The following PATJ variants were observed in gnomAD, a reference collection of about 807,000 sequenced individuals.
The protein encoded by PATJ is PATJ crumbs cell polarity complex component.
PATJ carries 190 observed loss-of-function variants against 224.9 expected under a neutral mutation model. That is an observed-to-expected ratio of 0.84 (90% CI 0.75 to 0.95). PATJ has a LOEUF of 0.95. Among genes scored for constraint, PATJ ranks in the 40% least tolerant of loss-of-function variants. PATJ has a pLI of 0.00. For synonymous variants in PATJ, 769 were observed against 820.3 expected (o/e 0.94, Z 1.07); for missense variants, 2,121 against 2,270.3 (o/e 0.93, Z 1.34).
At chr1:61,950,672 A>G (rs1261979836) in intron 27 of PATJ, among the ~76,000 whole-genome samples, 4 of 152,190 alleles carry the variant, frequency 2.6e-5, no homozygotes, top group African/African-American at 9.6e-5. Flanking sequence ...CAAAATTTAT[A>G]TGTTCATTTC....
intron 33 of PATJ, among the ~76,000 whole-genome samples, chr1:62,087,084 G>A (rs770236563): frequency 1.3e-5 from 2 of 152,170 alleles, no homozygotes; most frequent in African/African-American, 2.4e-5. Flanking sequence ...CCCGCACTCG[G>A]TGAGTCCCAA....
At chr1:61,748,096 G>C (rs1645115898) in intron 1 of PATJ, among the ~76,000 whole-genome samples, 1 of 151,802 alleles carries the variant, frequency 6.6e-6, no homozygotes, top group Non-Finnish European at 1.5e-5. Context: ...GCTCAGGCTG[G>C]TCTCTAACTT....
chr1:62,101,733 T>C (rs1160683304), intron 33 of PATJ, among the ~76,000 whole-genome samples: 4 of 152,174 alleles, frequency 2.6e-5, no homozygotes, highest in African/African-American at 9.7e-5. Context: ...AGACAGACTG[T>C]TGAGGGAGAA....
chr1:62,017,638 A>C, intron 28 of PATJ, among the ~76,000 whole-genome samples: 1 of 151,524 alleles, frequency 6.6e-6, no homozygotes, highest in South Asian at 2.1e-4. Context: ...AGGCTCAGGC[A>C]TGAGAATCAC....
At chr1:62,110,567 T>C (rs1663679978) in intron 34 of PATJ, among the ~76,000 whole-genome samples, 1 of 152,160 alleles carries the variant, frequency 6.6e-6, no homozygotes, top group Non-Finnish European at 1.5e-5. Flanking sequence ...CATGGCAAGA[T>C]TTATGATTCT....
chr1:61,895,528 A>G (rs1670236797), intron 22 of PATJ, among the ~76,000 whole-genome samples: 1 of 152,256 alleles, frequency 6.6e-6, no homozygotes, highest in Non-Finnish European at 1.5e-5. Context: ...CAGAGGGTGC[A>G]AGCCCCAAGC....
intron 10 of PATJ, among the ~76,000 whole-genome samples, chr1:61,796,659 TTTCTTTCTTTCTTTCTTTCTTTCTTTC>T: frequency 2.0e-5 from 1 of 49,002 alleles, no homozygotes; most frequent in African/African-American, 6.5e-5. Context: ...CTAAATTTAT[TTTCTTTCTTTCTTTCTTTCTTTCTTTC>T]TTTCTTTCTT....
rs1669958996 is a variant in PATJ, at chr1:62,163,163, T to C, written c.*2109T>C. Reference sequence around the variant, plus strand: ...AGTGCATTAACTCTTGTTGGAATATTTTATGGCTATTCCAAAGTATAGAGT... The same window carrying C: ...AGTGCATTAACTCTTGTTGGAATATCTTATGGCTATTCCAAAGTATAGAGT... On this transcript the variant is annotated 3_prime_UTR_variant, in exon 44 of 44. Transcript: ENST00000642238. 1 of 158,940 alleles carries C rather than the reference T, an allele frequency of 6.3e-6. No individual in the cohort carries two copies. Among genetic ancestry groups the C allele is most frequent in the African/African-American group, 2.4e-5 (1 of 41,490 alleles). The allele number at this position is 158,940 out of a possible 1,614,324, so 9.8% of individuals were successfully genotyped here. A position where few individuals can be genotyped will look rare whatever the true frequency, so the allele number is the denominator to read the frequency against.
intron 40 of PATJ, chr1:62,128,561 C>A: frequency 2.5e-6 from 1 of 393,782 alleles, no homozygotes; most frequent in Non-Finnish European, 4.6e-6. Flanking sequence ...CTTTTACTGG[C>A]AAATGGTTGT....
chr1:61,830,988 C>A (rs1659202744), intron 16 of PATJ, among the ~76,000 whole-genome samples: 1 of 152,046 alleles, frequency 6.6e-6, no homozygotes, highest in African/African-American at 2.4e-5. Flanking sequence ...GAGATTGAGA[C>A]CTTCCTGACT....
intron 31 of PATJ, among the ~76,000 whole-genome samples, chr1:62,067,376 C>G (rs965057052): frequency 6.6e-6 from 1 of 152,046 alleles, no homozygotes; most frequent in Non-Finnish European, 1.5e-5. Context: ...ATCCACCCAC[C>G]TCAGCCTCCC....
chr1:61,858,940 G>A (rs995519145), intron 18 of PATJ, among the ~76,000 whole-genome samples: 1 of 152,154 alleles, frequency 6.6e-6, no homozygotes. Context: ...GGGTATTGCC[G>A]TGGTCAACAG....
At chr1:61,743,559 C>T (rs1644870131) in intron 1 of PATJ, among the ~76,000 whole-genome samples, 1 of 152,174 alleles carries the variant, frequency 6.6e-6, no homozygotes, top group African/African-American at 2.4e-5. Context: ...AGGACAATGT[C>T]GGTTCCACTG....
At chr1:62,083,627 C>G (rs905590650) in intron 32 of PATJ, among the ~76,000 whole-genome samples, 1 of 152,026 alleles carries the variant, frequency 6.6e-6, no homozygotes, top group African/African-American at 2.4e-5. Context: ...TAAACTTTTC[C>G]TCTATGAACC....
chr1:61,763,975 T>C (rs575675354), intron 3 of PATJ, among the ~76,000 whole-genome samples: 3 of 150,306 alleles, frequency 2.0e-5, no homozygotes, highest in Admixed American at 6.7e-5. Flanking sequence ...CCTTATGAAG[T>C]CTTTTTTTGT....
chr1:61,948,201 A>C (rs145264097), intron 27 of PATJ, among the ~76,000 whole-genome samples: 1 of 152,186 alleles, frequency 6.6e-6, no homozygotes, highest in African/African-American at 2.4e-5. Flanking sequence ...ACAAAAGCCA[A>C]AATTGACAAA....
At chr1:61,824,521 G>A (rs939190985) in intron 15 of PATJ, among the ~76,000 whole-genome samples, 11 of 151,258 alleles carry the variant, frequency 7.3e-5, no homozygotes, top group African/African-American at 2.4e-4. Context: ...AAACTCCTGG[G>A]CTCAAGCAAT....
intron 31 of PATJ, among the ~76,000 whole-genome samples, chr1:62,079,144 A>T (rs542201582): frequency 1.3e-5 from 2 of 152,238 alleles, no homozygotes; most frequent in African/African-American, 4.8e-5. Context: ...ATTGCAAGAT[A>T]ATTTTTGTTT....
chr1:61,833,116 A>AT (rs959831676), intron 16 of PATJ, among the ~76,000 whole-genome samples: 3,040 of 150,264 alleles, frequency 0.02, 92 homozygotes, highest in African/African-American at 0.068. Context: ...AAAGACTTGG[A>AT]TTTTTTTTTT....
Sources: allele counts gnomAD v4.1 joint callset (sites outside exome capture counted in the v4.1 genomes callset), GRCh38; gene constraint gnomAD v4.1.1; transcripts MANE v1.5; gene names NCBI Gene and HGNC (gene_info 2026-07-23, HGNC 2026-07-21).